The following TRAF3IP3 variants were observed in gnomAD, a reference collection of about 807,000 sequenced individuals.
The protein encoded by TRAF3IP3 is TRAF3-interacting JNK-activating modulator.
In TRAF3IP3, 64 loss-of-function variants were observed where a neutral mutation model predicts 86.5. That is an observed-to-expected ratio of 0.74 (90% CI 0.60 to 0.91). The LOEUF (loss-of-function observed/expected upper bound fraction) is 0.91. Ranked by LOEUF, TRAF3IP3 falls within the 40% of genes least tolerant of loss-of-function variation. The probability of loss-of-function intolerance (pLI) is 0.00; values close to 1 mark genes in which losing one functional copy is unlikely to be tolerated. For synonymous variants in TRAF3IP3, 220 were observed against 243.9 expected (o/e 0.90, Z 0.91); for missense variants, 579 against 642.9 (o/e 0.90, Z 1.07).
chr1:209,779,827 C>A (rs2077738945), intron 14 of TRAF3IP3: 1 of 298,122 alleles, frequency 3.4e-6, no homozygotes, highest in Non-Finnish European at 6.3e-6. Context: ...CACCTGTCCA[C>A]TACACACGAC....
intron 1 of TRAF3IP3, among the ~76,000 whole-genome samples, chr1:209,757,331 C>G (rs953631833): frequency 2.0e-5 from 3 of 152,226 alleles, no homozygotes; most frequent in African/African-American, 7.2e-5. Flanking sequence ...TCTTCTCCCC[C>G]ACAGCCCTTT....
rs115797133 is a variant in TRAF3IP3 at position 209,782,107 on chromosome 1, C to T, written c.1615C>T (p.Leu539=). ...GCTGATGGTGGTGATTGCTGCAGCA[C>T]TGGCAGTGTTCCTGGCCAATAAAGA... The part of the protein sequence containing the change: ...PVLMVVIAAA[L]AVFLANKDNL... Residue 539 remains leucine, a synonymous_variant, in exon 17 of 17, where the codon CTG becomes TTG. Transcript: ENST00000367025. 1.0e-3 allele frequency: 1,611 copies of T among 1,614,172 alleles called. 20 individuals carry two copies. In the African/African-American group the frequency reaches 0.02, roughly 20 times the overall value.
intron 8 of TRAF3IP3, among the ~76,000 whole-genome samples, chr1:209,770,282 G>A (rs2077440052): frequency 6.6e-6 from 1 of 152,194 alleles, no homozygotes; most frequent in South Asian, 2.1e-4. Context: ...CTCATCTTGA[G>A]TCTAGTATGT....
At chr1:209,764,677 G>GTTGCAACCA (rs2077307440) in intron 8 of TRAF3IP3, among the ~76,000 whole-genome samples, 1 of 149,970 alleles carries the variant, frequency 6.7e-6, no homozygotes, top group Non-Finnish European at 1.5e-5. Flanking sequence ...CAAGAAGGCA[G>GTTGCAACCA]AGGTTGCAGT....
rs1460650312 is a variant in TRAF3IP3 at position 209,782,200 on chromosome 1, A to G, written c.*52A>G. The G allele has an allele frequency of 6.9e-7, 1 of 1,453,232 alleles. No individual in the cohort carries two copies. Among genetic ancestry groups the G allele is most frequent in the African/African-American group, 1.4e-5 (1 of 71,748 alleles). The allele number at this position is 1,453,232 out of a possible 1,614,324, so 90.0% of individuals were successfully genotyped here. ...AAAATCAGAAGCAAGCAACTCAGCG[A>G]AAAACTCAGAAGGTTTGGGTACATT... On this transcript the variant is annotated 3_prime_UTR_variant, in exon 17 of 17. Coordinates refer to ENST00000367025, the MANE Select transcript of TRAF3IP3 (RefSeq NM_025228.4).
intron 8 of TRAF3IP3, among the ~76,000 whole-genome samples, chr1:209,766,747 C>T (rs1218435042): frequency 3.3e-5 from 5 of 152,200 alleles, no homozygotes; most frequent in East Asian, 3.8e-4. Context: ...GCCTGAAGTC[C>T]GAGCTACTCA....
chr1:209,775,706 C>G lies in TRAF3IP3; in HGVS notation c.1023C>G (p.Ser341Arg), dbSNP rs1228820018. 3 of 1,613,466 alleles carry G rather than the reference C, an allele frequency of 1.9e-6. No homozygotes were observed. Among genetic ancestry groups the G allele is most frequent in the Non-Finnish European group, 2.5e-6 (3 of 1,179,824 alleles). The change falls in exon 11 of 17, where the codon AGC becomes AGG. Residue 341 changes from serine to arginine, a missense_variant. Physicochemically the swap from Ser to Arg is moderately radical, Grantham distance 110. Transcript: ENST00000367025. Reference protein sequence around the residue: ...TLGTQHRELESQLHVLQSKLQ... With the variant: ...TLGTQHRELERQLHVLQSKLQ... ...GGACCCAGCACAGGGAGCTGGAGAG[C>G]CAACTCCACGTGCTTCAGTCCAAAC...
At chr1:209,778,297 C>A in intron 13 of TRAF3IP3, 124 bp downstream of exon 13, 2 of 674,624 alleles carry the variant, frequency 3.0e-6, no homozygotes, top group Admixed American at 3.1e-5. Flanking sequence ...TGTGCACTTT[C>A]AGACCCTCTT....
At chr1:209,764,571 G>C (rs1272074414) in intron 8 of TRAF3IP3, among the ~76,000 whole-genome samples, 2 of 151,870 alleles carry the variant, frequency 1.3e-5, no homozygotes, top group Non-Finnish European at 2.9e-5. Flanking sequence ...GCGAAACCCC[G>C]TCTCTACTAA....
chr1:209,780,463 T>C lies in TRAF3IP3; in HGVS notation c.1313-7T>C, dbSNP rs373001810. On this transcript the variant is annotated splice_polypyrimidine_tract_variant and splice_region_variant and intron_variant, in intron 14 of 16. Coordinates refer to ENST00000367025, the MANE Select transcript of TRAF3IP3 (RefSeq NM_025228.4). ...CACTGTCACCAAGAATCTGGCTGCT[T>C]TTTTAGATCAGGCTTTGCCCGTGTG... 29 of 1,549,784 alleles carry C rather than the reference T, an allele frequency of 1.9e-5. No individual in the cohort carries two copies. Among genetic ancestry groups the C allele is most frequent in the Non-Finnish European group, 1.9e-5 (22 of 1,142,784 alleles).
intron 8 of TRAF3IP3, among the ~76,000 whole-genome samples, chr1:209,772,076 T>G (rs1314208924): frequency 6.6e-6 from 1 of 150,408 alleles, no homozygotes; most frequent in Admixed American, 7.0e-5. Context: ...TATATGGAGG[T>G]GTGTGTGTGC....
intron 11 of TRAF3IP3, chr1:209,775,945 A>C (rs2077645768): frequency 6.0e-6 from 3 of 502,366 alleles, no homozygotes; most frequent in Non-Finnish European, 1.1e-5. Context: ...GCTCATGCAA[A>C]TGAACTAAGC....
rs541796717 is a variant in TRAF3IP3, at chr1:209,756,608, AC to A, written c.-160+301del. 2.4e-4 allele frequency among the ~76,000 whole-genome samples: 36 copies of A among 152,246 alleles called. 1 individual carries two copies. In the East Asian group the frequency reaches 6.9e-3, roughly 29 times the overall value. On this transcript the variant is annotated intron_variant, in intron 1 of 16. Coordinates refer to ENST00000367025, the MANE Select transcript of TRAF3IP3 (RefSeq NM_025228.4). ...CAGTGATATGGGCATGAATTAAATG[AC>A]CTTTTACAGTTTTCTTCAAAGCAGG...
At chr1:209,758,196 G>C (rs537098714) in intron 1 of TRAF3IP3, among the ~76,000 whole-genome samples, 1 of 152,308 alleles carries the variant, frequency 6.6e-6, no homozygotes, top group African/African-American at 2.4e-5. Context: ...GAAAGTGGCA[G>C]GGAAGAAGTC....
At chr1:209,775,000 G>C (rs140227977) in intron 9 of TRAF3IP3, among the ~76,000 whole-genome samples, 5 of 152,232 alleles carry the variant, frequency 3.3e-5, no homozygotes, top group Non-Finnish European at 5.9e-5. Flanking sequence ...TTTAGGGTTT[G>C]GAAAAGCCTG....
At chr1:209,765,542 CT>C (rs1247427735) in intron 8 of TRAF3IP3, among the ~76,000 whole-genome samples, 1 of 152,104 alleles carries the variant, frequency 6.6e-6, no homozygotes, top group African/African-American at 2.4e-5. Flanking sequence ...TGGCATGCAC[CT>C]GTAGTCTTAG....
At chr1:209,780,701 G>A (rs2077758525) in intron 15 of TRAF3IP3, 95 bp downstream of exon 15, 1 of 1,219,346 alleles carries the variant, frequency 8.2e-7, no homozygotes, top group East Asian at 2.8e-5. Context: ...AGTTTAAGTT[G>A]TGAGTGGATA....
chr1:209,757,307 C>A (rs1441084201), intron 1 of TRAF3IP3, among the ~76,000 whole-genome samples: 1 of 152,222 alleles, frequency 6.6e-6, no homozygotes, highest in Non-Finnish European at 1.5e-5. Flanking sequence ...AGAGAGACCT[C>A]ATCTCAGGCA....
rs753590745 is a variant in TRAF3IP3 at position 209,775,614 on chromosome 1, G to A, written c.931G>A (p.Ala311Thr). The change falls in exon 11 of 17, where the codon GCA (alanine) becomes ACA (threonine). Residue 311 changes from alanine to threonine, a missense_variant. Physicochemically the swap from Ala to Thr is moderately conservative, Grantham distance 58 (BLOSUM62 0). Coordinates refer to ENST00000367025, the MANE Select transcript of TRAF3IP3 (RefSeq NM_025228.4). ...LQSTQRSLAL[A>T]EQKCEEWRSQ... is the part of the protein sequence containing the mutation. ...TCTCCCTCAGCGATCCCTGGCCCTG[G>A]CAGAGCAGAAGTGTGAAGAGTGGAG... 1 of 1,614,168 alleles carries A rather than the reference G, an allele frequency of 6.2e-7. No homozygotes were observed. The highest frequency in any genetic ancestry group is 8.5e-7 in the Non-Finnish European group (1 of 1,180,014).
Sources: gnomAD v4.1 joint callset for allele counts (sites outside exome capture counted in the v4.1 genomes callset) on GRCh38, gnomAD v4.1.1 for gene constraint, MANE v1.5 for transcripts, NCBI Gene and HGNC (gene_info 2026-07-23, HGNC 2026-07-21) for gene names.